KANSL2: variants seen among roughly 807,000 people sequenced by gnomAD.
KANSL2 encodes the protein KAT8 regulatory NSL complex subunit 2.
Under a neutral mutation model 55.6 loss-of-function variants are expected in KANSL2, and 34 were observed. The ratio of observed to expected loss-of-function variants is 0.61; its 90% confidence interval spans 0.46 to 0.81. KANSL2 has a LOEUF of 0.81. Ranked by LOEUF, KANSL2 falls within the 40% of genes least tolerant of loss-of-function variation. The pLI is 0.00. For missense variants in KANSL2, 502 were observed against 609.9 expected (o/e 0.82, Z 1.86); for synonymous variants, 209 against 214.3 (o/e 0.98, Z 0.22).
chr12:48,659,025 G>A (rs1939442180), intron 8 of KANSL2, among the ~76,000 whole-genome samples: 2 of 152,200 alleles, frequency 1.3e-5, no homozygotes, highest in Non-Finnish European at 2.9e-5. Flanking sequence ...CAGGAATGGT[G>A]AATCATGCCT....
chr12:48,675,112 T>C (rs564950139), intron 4 of KANSL2, among the ~76,000 whole-genome samples: 2 of 151,900 alleles, frequency 1.3e-5, no homozygotes, highest in Non-Finnish European at 2.9e-5. Context: ...TATGTAACAG[T>C]TGGCTGGGCA....
chr12:48,673,482 C>T (rs982922448), intron 4 of KANSL2, among the ~76,000 whole-genome samples: 1 of 151,816 alleles, frequency 6.6e-6, no homozygotes, highest in Admixed American at 6.6e-5. Flanking sequence ...ATTGCTTGAA[C>T]CCGGGAGGCA....
chr12:48,674,065 T>A (rs1412392994), intron 4 of KANSL2, among the ~76,000 whole-genome samples: 1 of 152,204 alleles, frequency 6.6e-6, no homozygotes. Context: ...TACCTTAAGT[T>A]TCATACTGAG....
intron 8 of KANSL2, 122 bp from the exon 9 acceptor site, chr12:48,655,182 A>C: frequency 1.3e-6 from 1 of 795,098 alleles, no homozygotes; most frequent in Admixed American, 3.4e-5. Context: ...TACCTTTAAT[A>C]AAAAAAAAAT....
At chr12:48,681,805 C>T (rs1939931879) in intron 1 of KANSL2, 164 bp from the exon 2 acceptor site, 3 of 819,068 alleles carry the variant, frequency 3.7e-6, no homozygotes, top group Admixed American at 2.0e-5. Context: ...GCATCTGTGG[C>T]TTTGCCTCCC....
In KANSL2 at chr12:48,682,208, C is replaced by T. The variant is rs1045633289; in HGVS notation, c.-31G>A. 1 of 659,240 alleles carries T rather than the reference C, an allele frequency of 1.5e-6. No homozygotes were observed. Among genetic ancestry groups the T allele is most frequent in the African/African-American group, 1.8e-5 (1 of 55,776 alleles). 40.8% of individuals were successfully genotyped at this position (659,240 alleles called of 1,614,324 possible). On this transcript the variant is annotated 5_prime_UTR_variant, in exon 1 of 10. Transcript: ENST00000420613. The stretch of plus-strand genomic sequence containing the variant: ...TTACCTCAGGAGCTGCGCTGCGCCG[C>T]ACTCTGCCGCGCCGCTCGCCCTTCT...
rs538639494 is a variant in KANSL2, at chr12:48,653,719, A to G, written c.*325T>C. 24 of 209,888 alleles carry G rather than the reference A, an allele frequency of 1.1e-4. No individual in the cohort carries two copies. The highest frequency in any genetic ancestry group is 2.1e-4 in the Non-Finnish European group (22 of 106,822). 13.0% of individuals were successfully genotyped at this position (209,888 alleles called of 1,614,324 possible). The stretch of plus-strand genomic sequence containing the variant: ...TATCTCAAAGACACCACTCACAAAG[A>G]CAGCTCCCACCTAGCTACTTAAGTG... On this transcript the variant is annotated 3_prime_UTR_variant, in exon 10 of 10. Coordinates refer to ENST00000420613, the MANE Select transcript of KANSL2 (RefSeq NM_017822.4).
intron 1 of KANSL2, chr12:48,681,984 G>C (rs900902060): frequency 2.8e-6 from 2 of 702,846 alleles, no homozygotes; most frequent in African/African-American, 3.5e-5. Flanking sequence ...CAGAGCGCAC[G>C]ACTGGGCCTG....
chr12:48,682,212 C>G lies in KANSL2; in HGVS notation c.-35G>C, dbSNP rs754036660. On this transcript the variant is annotated 5_prime_UTR_variant, in exon 1 of 10. Transcript: ENST00000420613. Reference sequence around the variant, plus strand: ...CTCAGGAGCTGCGCTGCGCCGCACTCTGCCGCGCCGCTCGCCCTTCTCTAG... The same window carrying G: ...CTCAGGAGCTGCGCTGCGCCGCACTGTGCCGCGCCGCTCGCCCTTCTCTAG... The G allele has an allele frequency of 9.2e-6, 6 of 651,398 alleles. No individual in the cohort carries two copies. The highest frequency in any genetic ancestry group is 2.4e-5 in the Admixed American group (1 of 42,466). The allele number at this position is 651,398 out of a possible 1,614,324, so 40.4% of individuals were successfully genotyped here. A position where few individuals can be genotyped will look rare whatever the true frequency, so the allele number is the denominator to read the frequency against.
chr12:48,669,948 C>G (rs1473622446), intron 5 of KANSL2, among the ~76,000 whole-genome samples: 1 of 152,064 alleles, frequency 6.6e-6, no homozygotes, highest in African/African-American at 2.4e-5. Flanking sequence ...CACCTGTAAT[C>G]CCAGCACTTT....
At chr12:48,674,482 C>A (rs2137199466) in intron 4 of KANSL2, among the ~76,000 whole-genome samples, 1 of 152,216 alleles carries the variant, frequency 6.6e-6, no homozygotes, top group Admixed American at 6.5e-5. Flanking sequence ...GCTGTTAAGG[C>A]ACTGAAATAC....
intron 4 of KANSL2, among the ~76,000 whole-genome samples, chr12:48,673,567 GA>G (rs111737433): frequency 0.074 from 6,515 of 88,302 alleles, 216 homozygotes; most frequent in African/African-American, 0.15. Flanking sequence ...CTCAAAAAAA[GA>G]AAAAAAAAAA....
In KANSL2 at chr12:48,669,179, T is replaced by C. The variant is rs918262100; in HGVS notation, c.803A>G (p.Tyr268Cys). ...CCTATGCAGTAAGGCTTCCACTCCA[T>C]AGCGCTGGCGGTATCGTCGCAGACA... ...LKCLRRYRQRYGVEALLHRQL... is the reference protein window; with the variant it reads ...LKCLRRYRQRCGVEALLHRQL... The change falls in exon 6 of 10, where the codon TAT (tyrosine) becomes TGT (cysteine). Residue 268 changes from tyrosine to cysteine, a missense_variant. Physicochemically the swap from Tyr to Cys is radical, Grantham distance 194. Coordinates refer to ENST00000420613, the MANE Select transcript of KANSL2 (RefSeq NM_017822.4). The C allele has an allele frequency of 9.7e-6, 15 of 1,553,380 alleles. No homozygotes were observed. The Admixed American group carries it at 2.2e-4, about 22-fold the overall frequency.
At chr12:48,655,176 T>A in intron 8 of KANSL2, 116 bp from the exon 9 acceptor site, 1 of 1,025,832 alleles carries the variant, frequency 9.7e-7, no homozygotes, top group Non-Finnish European at 1.4e-6. Context: ...CTAGCCTACC[T>A]TTAATAAAAA....
chr12:48,665,574 A>G (rs886185593), intron 7 of KANSL2, among the ~76,000 whole-genome samples: 5 of 152,182 alleles, frequency 3.3e-5, no homozygotes, highest in African/African-American at 1.2e-4. Flanking sequence ...AAAAAAAACA[A>G]ATAAAGAAAA....
chr12:48,669,724 T>C (rs774082640), intron 5 of KANSL2, among the ~76,000 whole-genome samples: 15 of 151,918 alleles, frequency 9.9e-5, no homozygotes, highest in Non-Finnish European at 1.5e-4. Context: ...GGTTTCATTG[T>C]GGTCTCGATC....
At position 48,669,119 on chromosome 12, in the gene KANSL2, C is replaced by T. The variant is rs374926758; in HGVS notation, c.863G>A (p.Gly288Asp). Residue 288 changes from glycine (G) to aspartate (D), a missense_variant, in exon 6 of 10, where the codon GGT (glycine) becomes GAT (aspartate). Coordinates refer to ENST00000420613, the MANE Select transcript of KANSL2 (RefSeq NM_017822.4). ...LKERRMLATD[G>D]AAQQAHTTRS... ...CACACAAATTACCTGTTGGGCAGCA[C>T]CATCTGTGGCCAGCATTCTCCGTTC... 3 of 1,546,412 alleles carry T rather than the reference C, an allele frequency of 1.9e-6. No homozygotes were observed. The highest frequency in any genetic ancestry group is 2.6e-6 in the Non-Finnish European group (3 of 1,144,876).
At chr12:48,666,137 CCAG>C (rs1378795410) in intron 7 of KANSL2, among the ~76,000 whole-genome samples, 4 of 152,042 alleles carry the variant, frequency 2.6e-5, no homozygotes, top group Non-Finnish European at 4.4e-5. Context: ...TCGTTTAAGC[CCAG>C]CAGATCACGG....
At chr12:48,676,252 T>A (rs1006454383) in intron 4 of KANSL2, among the ~76,000 whole-genome samples, 7 of 152,162 alleles carry the variant, frequency 4.6e-5, no homozygotes, top group African/African-American at 1.7e-4. Context: ...ACAGACCACG[T>A]GCACCACCAC....
Sources: allele counts gnomAD v4.1 joint callset (sites outside exome capture counted in the v4.1 genomes callset), GRCh38; gene constraint gnomAD v4.1.1; transcripts MANE v1.5; gene names NCBI Gene and HGNC (gene_info 2026-07-23, HGNC 2026-07-21).